The following ARHGAP5 variants were observed in gnomAD, a reference collection of about 807,000 sequenced individuals.
ARHGAP5 encodes the protein Rho GTPase activating protein 5.
A neutral mutation model predicts 116.6 loss-of-function variants in ARHGAP5; 23 were observed. That is an observed-to-expected ratio of 0.20 (90% CI 0.14 to 0.28). The LOEUF (loss-of-function observed/expected upper bound fraction) is 0.28, where lower values mean the gene tolerates loss of function less well. ARHGAP5 is among the 10% of genes least tolerant of loss of function. ARHGAP5 has a pLI of 1.00. For synonymous variants in ARHGAP5, 574 were observed against 602.0 expected, an observed-to-expected ratio of 0.95 and a Z score of 0.68; for missense variants, 1,405 against 1,774.8, an observed-to-expected ratio of 0.79 and a Z score of 3.74.
chr14:32,080,386 A>G (rs1364293095), intron 1 of ARHGAP5, among the ~76,000 whole-genome samples: 1 of 151,628 alleles, frequency 6.6e-6, no homozygotes, highest in Non-Finnish European at 1.5e-5. Context: ...ATACCTGGGT[A>G]ACAACAAACC....
intron 2 of ARHGAP5, among the ~76,000 whole-genome samples, chr14:32,097,862 C>A (rs1204023358): frequency 6.6e-6 from 1 of 152,012 alleles, no homozygotes; most frequent in African/African-American, 2.4e-5. Context: ...ACAGAAGACA[C>A]CATTTATAAA....
intron 1 of ARHGAP5, among the ~76,000 whole-genome samples, chr14:32,089,624 A>ATT (rs2041864809): frequency 6.6e-6 from 1 of 151,948 alleles, no homozygotes; most frequent in Non-Finnish European, 1.5e-5. Flanking sequence ...CAGATATATC[A>ATT]TTTTAAAATT....
At chr14:32,124,145 C>T (rs1880029898) in intron 3 of ARHGAP5, among the ~76,000 whole-genome samples, 1 of 152,174 alleles carries the variant, frequency 6.6e-6, no homozygotes, top group South Asian at 2.1e-4. Flanking sequence ...CCTCCCATCA[C>T]TAACTACCAC....
intron 2 of ARHGAP5, among the ~76,000 whole-genome samples, chr14:32,114,940 A>G (rs375735798): frequency 8.7e-4 from 133 of 152,284 alleles, no homozygotes; most frequent in African/African-American, 2.9e-3. Context: ...TTTTTGTCCA[A>G]TTTGAAAACC....
At position 32,152,490 on chromosome 14, in the gene ARHGAP5, C is replaced by T. The variant is rs1234425515; in HGVS notation, c.4143C>T (p.Asn1381=). The T allele has an allele frequency of 6.2e-7, 1 of 1,604,414 alleles. No individual in the cohort carries two copies. Among genetic ancestry groups the T allele is most frequent in the Non-Finnish European group, 8.5e-7 (1 of 1,176,504 alleles). Reference sequence around the variant, plus strand: ...TTGTTAAGAAATTTCATCCTGTAAACTATGATGTATTCAGATACGTGATAA... The same window carrying T: ...TTGTTAAGAAATTTCATCCTGTAAATTATGATGTATTCAGATACGTGATAA... ...KEIVKKFHPV[N]YDVFRYVITH... Residue 1381 remains asparagine, a synonymous_variant, in exon 6 of 7, where the codon AAC becomes AAT. Transcript: ENST00000345122.
intron 3 of ARHGAP5, among the ~76,000 whole-genome samples, chr14:32,132,607 A>G (rs1880563652): frequency 6.6e-6 from 1 of 152,000 alleles, no homozygotes; most frequent in Admixed American, 6.6e-5. Flanking sequence ...CTATTTGTCA[A>G]TTTTGTCTTT....
rs377293078 is a variant in ARHGAP5, at chr14:32,154,809, C to T, written c.4370C>T (p.Thr1457Met). 3.6e-5 allele frequency: 58 copies of T among 1,614,098 alleles called. No individual in the cohort carries two copies. Among genetic ancestry groups the T allele is most frequent in the South Asian group, 2.0e-4 (18 of 91,082 alleles). ...TTTTACAATGGAGAAATTGTAGAAA[C>T]GACAAACATTGTGGCTCCTCCACCA... The part of the protein sequence containing the change: ...FFFYNGEIVE[T>M]TNIVAPPPPS... Residue 1457 changes from threonine to methionine, a missense_variant, in exon 7 of 7, where the codon ACG becomes ATG. Transcript: ENST00000345122.
chr14:32,129,938 AC>A (rs1880384242), intron 3 of ARHGAP5, among the ~76,000 whole-genome samples: 1 of 152,026 alleles, frequency 6.6e-6, no homozygotes, highest in Non-Finnish European at 1.5e-5. Context: ...AGTGGCTCAC[AC>A]CTGTAATACC....
chr14:32,111,827 GCTT>G (rs1436114523), intron 2 of ARHGAP5, among the ~76,000 whole-genome samples: 30 of 146,256 alleles, frequency 2.1e-4, no homozygotes, highest in African/African-American at 5.8e-4. Flanking sequence ...CTGTTGTCAC[GCTT>G]CTTCTTTGAT....
At chr14:32,095,181 ATCT>A (rs1878457351) in intron 2 of ARHGAP5, among the ~76,000 whole-genome samples, 1 of 152,154 alleles carries the variant, frequency 6.6e-6, no homozygotes, top group African/African-American at 2.4e-5. Context: ...TAAGTCCATA[ATCT>A]TGTAAATTAT....
chr14:32,151,488 C>A (rs1213672344), intron 5 of ARHGAP5, among the ~76,000 whole-genome samples: 1 of 152,240 alleles, frequency 6.6e-6, no homozygotes, highest in East Asian at 1.9e-4. Context: ...GAATCTATAG[C>A]CCGAGGGCCA....
intron 1 of ARHGAP5, among the ~76,000 whole-genome samples, chr14:32,080,344 A>G (rs561199753): frequency 1.3e-3 from 202 of 150,844 alleles, no homozygotes; most frequent in African/African-American, 4.8e-3. Flanking sequence ...TTATTTAAAT[A>G]TAAGAAAAAT....
At chr14:32,141,072 C>A (rs960391119) in intron 3 of ARHGAP5, among the ~76,000 whole-genome samples, 1 of 152,084 alleles carries the variant, frequency 6.6e-6, no homozygotes, top group African/African-American at 2.4e-5. Flanking sequence ...CTTCTATGCT[C>A]TTGTAACAGT....
rs2139071151 is a variant in ARHGAP5 at position 32,117,285 on chromosome 14, C to G, written c.3863C>G (p.Thr1288Arg). 1 of 1,589,632 alleles carries G rather than the reference C, an allele frequency of 6.3e-7. No homozygotes were observed. The highest frequency in any genetic ancestry group is 8.6e-7 in the Non-Finnish European group (1 of 1,166,422). Reference protein sequence around the residue: ...VEKCVEFIEDTGLCTEGLYRV... With the variant: ...VEKCVEFIEDRGLCTEGLYRV... ...AAATGTGTGGAATTTATTGAAGATACAGGTAGGATAGAAGAATCATTGCAA... is the reference window on the plus strand; with the variant it reads ...AAATGTGTGGAATTTATTGAAGATAGAGGTAGGATAGAAGAATCATTGCAA... Residue 1288 changes from threonine to arginine, a missense_variant and splice_region_variant, in exon 3 of 7, where the codon ACA becomes AGA. Thr to Arg is a moderately conservative substitution (Grantham distance 71). Around this residue, in one of 6 missense-constraint regions of ARHGAP5, gnomAD observed 176 missense variants for 221.2 expected, o/e 0.80. Transcript: ENST00000345122.
intron 3 of ARHGAP5, among the ~76,000 whole-genome samples, chr14:32,120,013 T>C (rs1315833828): frequency 6.6e-6 from 1 of 152,096 alleles, no homozygotes; most frequent in African/African-American, 2.4e-5. Context: ...TCTGGAAGAG[T>C]TTATGTAGAA....
chr14:32,114,652 A>G (rs747695774), intron 2 of ARHGAP5, among the ~76,000 whole-genome samples: 1 of 152,200 alleles, frequency 6.6e-6, no homozygotes, highest in African/African-American at 2.4e-5. Flanking sequence ...CTGCATCACC[A>G]GAGAATGATG....
intron 3 of ARHGAP5, among the ~76,000 whole-genome samples, chr14:32,143,116 C>A (rs1025548294): frequency 6.6e-6 from 1 of 152,072 alleles, no homozygotes; most frequent in Non-Finnish European, 1.5e-5. Flanking sequence ...CTTCAGATAT[C>A]AGTAATACTC....
intron 2 of ARHGAP5, among the ~76,000 whole-genome samples, chr14:32,116,748 A>G (rs1390715221): frequency 6.6e-6 from 1 of 152,218 alleles, no homozygotes; most frequent in Non-Finnish European, 1.5e-5. Flanking sequence ...ACAAATATAG[A>G]TAGACACAGA....
chr14:32,123,082 A>G (rs1879969320), intron 3 of ARHGAP5, among the ~76,000 whole-genome samples: 1 of 151,976 alleles, frequency 6.6e-6, no homozygotes, highest in African/African-American at 2.4e-5. Context: ...AATGGGATGT[A>G]TTCTCTTTTC....
Sources: allele counts gnomAD v4.1 joint callset (sites outside exome capture counted in the v4.1 genomes callset), GRCh38; gene constraint gnomAD v4.1.1; regional missense constraint gnomAD v4.1.1; transcripts MANE v1.5; gene names NCBI Gene and HGNC (gene_info 2026-07-23, HGNC 2026-07-21).